The following MPND variants were observed in gnomAD, a reference collection of about 807,000 sequenced individuals.
MPND encodes MPN domain-containing protein.
A neutral mutation model predicts 59.2 loss-of-function variants in MPND; 56 were observed. The ratio of observed to expected loss-of-function variants is 0.95; its 90% CI spans 0.76 to 1.18. The LOEUF is 1.18. Ranked by LOEUF, MPND falls within the 50% of genes most tolerant of loss-of-function variation. MPND has a pLI of 0.00. For missense variants in MPND, 671 were observed against 676.0 expected (o/e 0.99, Z 0.08); for synonymous variants, 323 against 291.9 (o/e 1.11, Z -1.09).
chr19:4,352,152 G>A (rs1972332652), intron 3 of MPND, among the ~76,000 whole-genome samples: 1 of 151,930 alleles, frequency 6.6e-6, no homozygotes, highest in East Asian at 1.9e-4. Context: ...CAGCCTGGGT[G>A]ACAGAGTGAG....
intron 3 of MPND, among the ~76,000 whole-genome samples, chr19:4,351,600 C>A (rs1382332746): frequency 6.6e-6 from 1 of 152,054 alleles, no homozygotes; most frequent in East Asian, 1.9e-4. Context: ...CGGTGGCTCA[C>A]GCCTTTAATC....
intron 3 of MPND, among the ~76,000 whole-genome samples, chr19:4,346,715 CG>C (rs1401223493): frequency 2.3e-5 from 3 of 131,708 alleles, no homozygotes; most frequent in Admixed American, 7.9e-5. Flanking sequence ...CTGCACTGGC[CG>C]TTTTTTTTTT....
chr19:4,359,175 G>T lies in MPND; in HGVS notation c.1339G>T (p.Glu447Ter). The T allele has an allele frequency of 6.2e-7, 1 of 1,612,942 alleles. No homozygotes were observed. The highest frequency in any genetic ancestry group is 1.1e-5 in the South Asian group (1 of 91,052). ...CTCTGTCCTGTAGATGCTGCTGGTG[G>T]AGTTCTACAAGGGTTCCCCTGACCT... ...DILHEMMLLVEFYKGSPDLVR... is the reference protein window; with the variant it reads ...DILHEMMLLV Residue 447 changes from glutamate to a stop codon, truncating the protein, a stop_gained, in exon 12 of 13, where the codon GAG (glutamate) becomes TAG (stop). Transcript: ENST00000599840. LOFTEE classifies it high-confidence loss of function.
In MPND at chr19:4,345,801, C is replaced by G. The variant is rs749222856; in HGVS notation, c.351C>G (p.Thr117=). 3 of 1,613,810 alleles carry G rather than the reference C, an allele frequency of 1.9e-6. No homozygotes were observed. The African/African-American group carries it at 4.0e-5, about 22-fold the overall frequency. The change falls in exon 3 of 13, where the codon ACC becomes ACG. Residue 117 remains threonine, a synonymous_variant. Coordinates refer to ENST00000599840, the MANE Select transcript of MPND (RefSeq NM_001300862.2). ...QPDGRIMWQE[T]GQTFNSPSAW... ...ACGGAAGGATCATGTGGCAGGAGAC[C>G]GGGCAGACCTTCAACTCACCCAGCG...
intron 8 of MPND, among the ~76,000 whole-genome samples, chr19:4,356,174 C>T (rs934128073): frequency 2.0e-5 from 3 of 152,066 alleles, no homozygotes; most frequent in African/African-American, 7.2e-5. Flanking sequence ...TTTTGGATCT[C>T]CTAGCCCTGG....
chr19:4,345,892 G>T lies in MPND; in HGVS notation c.442G>T (p.Val148Phe). 6.2e-7 allele frequency: 1 copy of T among 1,613,996 alleles called. No homozygotes were observed. Among genetic ancestry groups the T allele is most frequent in the Non-Finnish European group, 8.5e-7 (1 of 1,180,040 alleles). The part of the protein sequence containing the change: ...AKKSGCGWAS[V>F]KYKGQKLDKY... ...GAAGTCGGGCTGTGGCTGGGCCTCT[G>T]TCAAGTACAAAGGCCAGAAACTGGA... Residue 148 changes from valine (V) to phenylalanine (F), a missense_variant, in exon 3 of 13, where the codon GTC becomes TTC. Physicochemically the swap from Val to Phe is conservative, Grantham distance 50. Coordinates refer to ENST00000599840, the MANE Select transcript of MPND (RefSeq NM_001300862.2).
At chr19:4,354,458 G>A in intron 6 of MPND, 38 bp downstream of exon 6, 2 of 1,525,054 alleles carry the variant, frequency 1.3e-6, no homozygotes, top group South Asian at 2.4e-5. Flanking sequence ...AGGGGCTCCG[G>A]AGCCCAGTCG....
chr19:4,349,924 T>C (rs902416965), intron 3 of MPND, among the ~76,000 whole-genome samples: 6 of 152,246 alleles, frequency 3.9e-5, no homozygotes, highest in Admixed American at 6.5e-5. Context: ...CCAGGCACTC[T>C]TGCCTAGCTA....
At chr19:4,352,239 T>C (rs1040213635) in intron 3 of MPND, among the ~76,000 whole-genome samples, 7 of 151,660 alleles carry the variant, frequency 4.6e-5, no homozygotes, top group African/African-American at 1.7e-4. Flanking sequence ...ATGCCTGAGG[T>C]TGCAATTCTT....
chr19:4,349,618 C>G (rs1327617911), intron 3 of MPND, among the ~76,000 whole-genome samples: 1 of 152,012 alleles, frequency 6.6e-6, no homozygotes, highest in Non-Finnish European at 1.5e-5. Flanking sequence ...TCAGGCGATT[C>G]TCCTGCCTCA....
intron 1 of MPND, 40 bp downstream of exon 1, chr19:4,343,640 G>A: frequency 1.7e-6 from 2 of 1,205,626 alleles, no homozygotes; most frequent in Non-Finnish European, 1.0e-6. Flanking sequence ...GGGGCGCGGG[G>A]CTGCAGGGGC....
rs895154884 is a variant in MPND, at chr19:4,346,039, C to G, written c.531+58C>G. On this transcript the variant is annotated intron_variant, in intron 3 of 12. Transcript: ENST00000599840. ...CAGGTCACTGTGGAATGAGGGGTGC[C>G]CAGCCTGGCACAGCTCTCTCCGGAG... 2.1e-6 allele frequency: 3 copies of G among 1,442,168 alleles called. No individual in the cohort carries two copies. In the African/African-American group the frequency reaches 4.2e-5, roughly 20 times the overall value. 89.3% of individuals were successfully genotyped at this position (1,442,168 alleles called of 1,614,324 possible). A position where few individuals can be genotyped will look rare whatever the true frequency, so the allele number is the denominator to read the frequency against.
rs10414802 is a variant in MPND, at chr19:4,343,730, G to C, written c.30G>C (p.Ala10=). The change falls in exon 2 of 13, where the codon GCG becomes GCC. Residue 10 remains alanine, a synonymous_variant. Transcript: ENST00000599840. Reference sequence around the variant, plus strand: ...CAGCTCCGGAGCCGCTGTCCCCGGCGGGCGGTGCGGGCGAGGAGGCGCCGG... The same window carrying C: ...CAGCTCCGGAGCCGCTGTCCCCGGCCGGCGGTGCGGGCGAGGAGGCGCCGG... MAAPEPLSP[A]GGAGEEAPEE... The C allele has an allele frequency of 5.9e-5, 71 of 1,205,694 alleles. No homozygotes were observed. The South Asian group carries it at 2.3e-3, about 39-fold the overall frequency. 74.7% of individuals were successfully genotyped at this position (1,205,694 alleles called of 1,614,324 possible).
Position 4,357,414 on chromosome 19 carries a change from G to C in MPND, c.1158G>C (p.Leu386=). ...SSNGFQPCLA[L]LCSPYYSGNP... Reference sequence around the variant, plus strand: ...ATGGCTTCCAGCCCTGCCTCGCCCTGCTCTGCTGTACGCGGGATGGGGCTG... The same window carrying C: ...ATGGCTTCCAGCCCTGCCTCGCCCTCCTCTGCTGTACGCGGGATGGGGCTG... Residue 386 remains leucine (L), a synonymous_variant, in exon 9 of 13, where the codon CTG becomes CTC. Coordinates refer to ENST00000599840, the MANE Select transcript of MPND (RefSeq NM_001300862.2). 6.2e-7 allele frequency: 1 copy of C among 1,612,484 alleles called. No homozygotes were observed.
At chr19:4,349,720 A>G (rs1972271660) in intron 3 of MPND, among the ~76,000 whole-genome samples, 1 of 152,142 alleles carries the variant, frequency 6.6e-6, no homozygotes, top group South Asian at 2.1e-4. Context: ...CATGTTGGCC[A>G]GGCTAGTCTT....
chr19:4,357,408 C>G lies in MPND; in HGVS notation c.1152C>G (p.Leu384=). 6.2e-7 allele frequency: 1 copy of G among 1,612,554 alleles called. No homozygotes were observed. Among genetic ancestry groups the G allele is most frequent in the South Asian group, 1.1e-5 (1 of 90,962 alleles). Reference sequence around the variant, plus strand: ...CCAGCAATGGCTTCCAGCCCTGCCTCGCCCTGCTCTGCTGTACGCGGGATG... The same window carrying G: ...CCAGCAATGGCTTCCAGCCCTGCCTGGCCCTGCTCTGCTGTACGCGGGATG... ...QGSSNGFQPC[L]ALLCSPYYSG... Residue 384 remains leucine, a synonymous_variant, in exon 9 of 13, where the codon CTC becomes CTG. Transcript: ENST00000599840.
chr19:4,345,690 A>G (rs1181464879), intron 2 of MPND, 55 bp from the exon 3 acceptor site: 6 of 1,548,568 alleles, frequency 3.9e-6, no homozygotes, highest in Non-Finnish European at 3.6e-6. Context: ...ACCCCCCGGG[A>G]GAGAGGGCAT....
At chr19:4,358,301 G>T in intron 11 of MPND, 129 bp downstream of exon 11, 1 of 787,464 alleles carries the variant, frequency 1.3e-6, no homozygotes, top group Non-Finnish European at 2.1e-6. Flanking sequence ...CTGGGTTAGG[G>T]CTTCTTCCAT....
At chr19:4,353,191 G>A (rs576864596) in intron 4 of MPND, among the ~76,000 whole-genome samples, 162 bp downstream of exon 4, 1 of 152,284 alleles carries the variant, frequency 6.6e-6, no homozygotes, top group East Asian at 1.9e-4. Context: ...GGCCTGGGCT[G>A]AAGACAGTCC....
Sources: gnomAD v4.1 joint callset for allele counts (sites outside exome capture counted in the v4.1 genomes callset) on GRCh38, gnomAD v4.1.1 for gene constraint, MANE v1.5 for transcripts, NCBI Gene and HGNC (gene_info 2026-07-23, HGNC 2026-07-21) for gene names.